The following LRRC8D variants were observed in gnomAD, a reference collection of about 807,000 sequenced individuals.
The protein encoded by LRRC8D is volume-regulated anion channel subunit LRRC8D.
LRRC8D carries 20 observed loss-of-function variants against 55.8 expected under a neutral mutation model. The observed-to-expected ratio is 0.36, with a 90% CI of 0.25 to 0.52. The LOEUF is 0.52. Among genes scored for constraint, LRRC8D ranks in the 20% least tolerant of loss-of-function variants. The pLI, the probability that LRRC8D is intolerant of heterozygous loss-of-function variation, is 0.93. For synonymous variants in LRRC8D, 352 were observed against 377.0 expected (o/e 0.93, Z 0.77); for missense variants, 651 against 1,030.8 (o/e 0.63, Z 5.05).
chr1:89,835,040 C>T (rs1211121606), intron 1 of LRRC8D, among the ~76,000 whole-genome samples: 1 of 146,246 alleles, frequency 6.8e-6, no homozygotes, highest in African/African-American at 2.5e-5. Flanking sequence ...TCTCTGCCTT[C>T]AGCAATTCTG....
chr1:89,834,166 AGAAC>A (rs1660950816), intron 1 of LRRC8D, among the ~76,000 whole-genome samples: 3 of 152,266 alleles, frequency 2.0e-5, no homozygotes, highest in Admixed American at 1.3e-4. Context: ...TCTTTATAAC[AGAAC>A]AAAATTGGGT....
intron 2 of LRRC8D, among the ~76,000 whole-genome samples, chr1:89,861,396 A>G (rs1661717886): frequency 6.6e-6 from 1 of 152,154 alleles, no homozygotes; most frequent in East Asian, 1.9e-4. Context: ...GTGATTCTAT[A>G]GTTTTTCATT....
At chr1:89,889,391 C>T (rs1662504418) in intron 2 of LRRC8D, among the ~76,000 whole-genome samples, 1 of 151,890 alleles carries the variant, frequency 6.6e-6, no homozygotes, top group Non-Finnish European at 1.5e-5. Flanking sequence ...GATCCTGGAA[C>T]AGAAAAAGAA....
At chr1:89,925,319 G>A (rs6659838) in intron 2 of LRRC8D, among the ~76,000 whole-genome samples, 17,057 of 152,088 alleles carry the variant, frequency 0.11, 2,344 homozygotes, top group African/African-American at 0.32. Flanking sequence ...CAGGGATCGC[G>A]CTGATTCCAC....
intron 2 of LRRC8D, among the ~76,000 whole-genome samples, chr1:89,895,206 C>A (rs932521848): frequency 1.3e-5 from 2 of 152,154 alleles, no homozygotes; most frequent in Admixed American, 1.3e-4. Context: ...TGTATTACTA[C>A]GCAAGAAAAG....
intron 2 of LRRC8D, among the ~76,000 whole-genome samples, chr1:89,852,861 G>A (rs985233226): frequency 1.3e-5 from 2 of 152,182 alleles, no homozygotes; most frequent in African/African-American, 4.8e-5. Flanking sequence ...AGCGATGGTG[G>A]TACAGAGGGG....
intron 2 of LRRC8D, among the ~76,000 whole-genome samples, chr1:89,923,205 G>A (rs1384017799): frequency 1.3e-5 from 2 of 152,162 alleles, no homozygotes; most frequent in Non-Finnish European, 2.9e-5. Context: ...CATTGACAAG[G>A]AGAAGCTTTG....
chr1:89,933,383 G>C lies in LRRC8D; in HGVS notation c.315G>C (p.Val105=). 7 of 1,614,072 alleles carry C rather than the reference G, an allele frequency of 4.3e-6. No homozygotes were observed. The highest frequency in any genetic ancestry group is 5.9e-6 in the Non-Finnish European group (7 of 1,180,038). ...TNDISFGTSA[V]TPDIPLRATY... Reference sequence around the variant, plus strand: ...ACATTTCCTTTGGGACATCTGCTGTGACACCTGACATACCTCTCAGAGCCA... The same window carrying C: ...ACATTTCCTTTGGGACATCTGCTGTCACACCTGACATACCTCTCAGAGCCA... Residue 105 remains valine, a synonymous_variant, in exon 3 of 3, where the codon GTG becomes GTC. Transcript: ENST00000337338. This position sits in a 1 kb window ranked among gnomAD's most constrained non-coding sequence, Gnocchi z 7.0.
rs1463823936 is a variant in LRRC8D, at chr1:89,936,474, C to CA, written c.*830dup. 1 of 153,654 alleles carries CA rather than the reference C, an allele frequency of 6.5e-6. No individual in the cohort carries two copies. The highest frequency in any genetic ancestry group is 2.4e-5 in the African/African-American group (1 of 41,400). The allele number at this position is 153,654 out of a possible 1,614,324, so 9.5% of individuals were successfully genotyped here. A position where few individuals can be genotyped will look rare whatever the true frequency, so the allele number is the denominator to read the frequency against. On this transcript the variant is annotated 3_prime_UTR_variant, in exon 3 of 3. Coordinates refer to ENST00000337338, the MANE Select transcript of LRRC8D (RefSeq NM_001134479.2). Reference sequence around the variant, plus strand: ...TTATTAACACAACCTCCAGTATCACCACCATTTGGAAGATAACACAGAATC... The same window carrying CA: ...TTATTAACACAACCTCCAGTATCACCAACCATTTGGAAGATAACACAGAATC...
intron 2 of LRRC8D, among the ~76,000 whole-genome samples, chr1:89,847,075 T>C (rs1038597095): frequency 6.6e-6 from 1 of 152,210 alleles, no homozygotes; most frequent in Non-Finnish European, 1.5e-5. Context: ...CTTTAAATTA[T>C]AGATTAAATA....
intron 1 of LRRC8D, among the ~76,000 whole-genome samples, chr1:89,841,532 G>A (rs1661134509): frequency 6.6e-6 from 1 of 152,122 alleles, no homozygotes; most frequent in Non-Finnish European, 1.5e-5. Context: ...CAGAAAATGA[G>A]AGAATGTCAA....
At chr1:89,850,273 T>C (rs1661379636) in intron 2 of LRRC8D, among the ~76,000 whole-genome samples, 1 of 152,198 alleles carries the variant, frequency 6.6e-6, no homozygotes, top group Non-Finnish European at 1.5e-5. Flanking sequence ...CACTGTTTTA[T>C]TTATTTATTT....
chr1:89,870,760 T>C (rs544209248), intron 2 of LRRC8D, among the ~76,000 whole-genome samples: 4 of 152,164 alleles, frequency 2.6e-5, no homozygotes, highest in Non-Finnish European at 5.9e-5. Context: ...TATAAGATGC[T>C]TCAAGATAGA....
intron 2 of LRRC8D, among the ~76,000 whole-genome samples, chr1:89,895,014 C>G (rs12750970): frequency 6.6e-6 from 1 of 151,534 alleles, no homozygotes; most frequent in Non-Finnish European, 1.5e-5. Flanking sequence ...ACCCCACCCA[C>G]TGATCACTCA....
chr1:89,929,185 G>T (rs139901077), intron 2 of LRRC8D, among the ~76,000 whole-genome samples: 2 of 152,208 alleles, frequency 1.3e-5, no homozygotes, highest in African/African-American at 4.8e-5. Context: ...TGTGATGGGC[G>T]GAGGTACAGA....
intron 2 of LRRC8D, among the ~76,000 whole-genome samples, chr1:89,890,304 T>C (rs1662544263): frequency 3.3e-5 from 5 of 152,206 alleles, no homozygotes; most frequent in Admixed American, 3.3e-4. Flanking sequence ...AAGTGTTGAT[T>C]GATGCTCTTG....
intron 2 of LRRC8D, among the ~76,000 whole-genome samples, chr1:89,867,449 A>T (rs922407842): frequency 9.9e-5 from 15 of 152,108 alleles, no homozygotes; most frequent in African/African-American, 3.6e-4. Context: ...TTTGAAACAG[A>T]TCTCTGGGAC....
intron 2 of LRRC8D, among the ~76,000 whole-genome samples, chr1:89,850,795 T>C (rs1182651492): frequency 2.6e-5 from 4 of 152,224 alleles, no homozygotes; most frequent in Non-Finnish European, 4.4e-5. Flanking sequence ...CATGACTTCT[T>C]GTTACATGTA....
At chr1:89,860,770 AAAAAAAAAAAAAAAAATATATAT>A (rs1557455195) in intron 2 of LRRC8D, among the ~76,000 whole-genome samples, 1 of 78,770 alleles carries the variant, frequency 1.3e-5, no homozygotes, top group African/African-American at 3.9e-5. Flanking sequence ...AAAAAAAAAA[AAAAAAAAAAAAAAAAATATATAT>A]ATATATATAT....
Sources: gnomAD v4.1 joint callset for allele counts (sites outside exome capture counted in the v4.1 genomes callset) on GRCh38, gnomAD v4.1.1 for gene constraint, Gnocchi (gnomAD v3.1) non-coding constraint, MANE v1.5 for transcripts, NCBI Gene and HGNC (gene_info 2026-07-23, HGNC 2026-07-21) for gene names.